The following WASF2 variants were observed in gnomAD, a reference collection of about 807,000 sequenced individuals.
The protein encoded by WASF2 is WASP family member 2.
In WASF2, 14 loss-of-function variants were observed where a neutral mutation model predicts 45.0. The observed-to-expected ratio is 0.31, with a 90% CI of 0.21 to 0.49. The LOEUF (loss-of-function observed/expected upper bound fraction) is 0.49. Among genes scored for constraint, WASF2 ranks in the 20% least tolerant of loss-of-function variants. The pLI is 0.99. For synonymous variants in WASF2, 200 were observed against 236.3 expected, an observed-to-expected ratio of 0.85 and a Z score of 1.41; for missense variants, 439 against 636.1, an observed-to-expected ratio of 0.69 and a Z score of 3.33.
In WASF2 at chr1:27,476,419, A is replaced by C. The variant is rs1436139641; in HGVS notation, c.-44+13567T>G. Among the ~76,000 whole-genome samples the C allele has an allele frequency of 2.6e-5, 4 of 152,160 alleles. No homozygotes were observed. In the East Asian group the frequency reaches 7.7e-4, roughly 29 times the overall value. ...AACTCAGAGCGAGAGCTCACTTATC[A>C]CCAAGGGGATGGCCCAAGCCATTCA... On this transcript the variant is annotated intron_variant, in intron 1 of 8. Transcript: ENST00000618852.
intron 1 of WASF2, among the ~76,000 whole-genome samples, chr1:27,484,627 G>A (rs993490503): frequency 1.3e-5 from 2 of 151,934 alleles, no homozygotes; most frequent in Non-Finnish European, 2.9e-5. Flanking sequence ...CTAACAAGGT[G>A]AAACCCTGTC....
At chr1:27,415,082 A>C in intron 5 of WASF2, 119 bp from the exon 6 acceptor site, 2 of 1,280,946 alleles carry the variant, frequency 1.6e-6, no homozygotes, top group Non-Finnish European at 2.2e-6. Flanking sequence ...ACATACAATA[A>C]CTACAGAACT....
At chr1:27,462,108 G>A (rs1170482748) in intron 1 of WASF2, among the ~76,000 whole-genome samples, 1 of 151,394 alleles carries the variant, frequency 6.6e-6, no homozygotes, top group Non-Finnish European at 1.5e-5. Flanking sequence ...CTCCCAAGTA[G>A]CTGGGACTAA....
At chr1:27,488,035 C>T (rs1205635320) in intron 1 of WASF2, among the ~76,000 whole-genome samples, 1 of 151,922 alleles carries the variant, frequency 6.6e-6, no homozygotes, top group Non-Finnish European at 1.5e-5. Context: ...GATATCTGAA[C>T]AGGAAAAAGT....
At chr1:27,450,781 G>A (rs558708541) in intron 1 of WASF2, among the ~76,000 whole-genome samples, 3 of 151,940 alleles carry the variant, frequency 2.0e-5, no homozygotes, top group South Asian at 2.1e-4. Context: ...TTACAGGTGT[G>A]AGCCATCGCA....
chr1:27,409,905 G>C lies in WASF2; in HGVS notation c.1126C>G (p.Pro376Ala). The C allele has an allele frequency of 6.3e-7, 1 of 1,587,784 alleles. No individual in the cohort carries two copies. The highest frequency in any genetic ancestry group is 2.2e-5 in the East Asian group (1 of 44,610). The change falls in exon 8 of 9, where the codon CCA (proline) becomes GCA (alanine). Residue 376 changes from proline to alanine, a missense_variant. Physicochemically the swap from Pro to Ala is conservative, Grantham distance 27. Around this residue, in one of 5 missense-constraint regions of WASF2, gnomAD observed 286 missense variants for 373.5 expected, o/e 0.77. Transcript: ENST00000618852. ...GACAAGGGAGGTGGTGGCAGAGTTG[G>C]GTAGTCAGCTGCTGGTGGTGGAGGA... ...PPPPPPAADY[P>A]TLPPPPLSQP...
rs934572226 is a variant in WASF2 at position 27,408,024 on chromosome 1, T to G, written c.*165A>C. On this transcript the variant is annotated 3_prime_UTR_variant, in exon 9 of 9. Coordinates refer to ENST00000618852, the MANE Select transcript of WASF2 (RefSeq NM_006990.5). ...ATGGGGAGAGGAAATACATGTTGAC[T>G]TGGAGGAAGCACTTGGATATATCTT... 29 of 763,380 alleles carry G rather than the reference T, an allele frequency of 3.8e-5. No homozygotes were observed. In the Admixed American group the frequency reaches 4.3e-4, roughly 11 times the overall value. 47.3% of individuals were successfully genotyped at this position (763,380 alleles called of 1,614,324 possible). A position where few individuals can be genotyped will look rare whatever the true frequency, so the allele number is the denominator to read the frequency against.
At position 27,407,273 on chromosome 1, in the gene WASF2, CTTGAGCAA is replaced by C. The variant is rs1352482168; in HGVS notation, c.*908_*915del. 1 of 152,682 alleles carries C rather than the reference CTTGAGCAA, an allele frequency of 6.5e-6. No individual in the cohort carries two copies. Among genetic ancestry groups the C allele is most frequent in the Non-Finnish European group, 1.5e-5 (1 of 68,088 alleles). The allele number at this position is 152,682 out of a possible 1,614,324, so 9.5% of individuals were successfully genotyped here. Reference sequence around the variant, plus strand: ...CTATGTCACTATCCAATTGTGTGACCTTGAGCAAGTCACTTCCCATCTCTAGGCCTCAG... The same window carrying C: ...CTATGTCACTATCCAATTGTGTGACCGTCACTTCCCATCTCTAGGCCTCAG... On this transcript the variant is annotated 3_prime_UTR_variant, in exon 9 of 9. Coordinates refer to ENST00000618852, the MANE Select transcript of WASF2 (RefSeq NM_006990.5).
intron 2 of WASF2, among the ~76,000 whole-genome samples, chr1:27,419,793 A>G (rs944095168): frequency 6.6e-6 from 1 of 152,240 alleles, no homozygotes; most frequent in Non-Finnish European, 1.5e-5. Context: ...GTGAACAACT[A>G]TGATCAGTTG....
chr1:27,418,794 G>T (rs2016861465), intron 3 of WASF2, among the ~76,000 whole-genome samples, 160 bp downstream of exon 3: 1 of 152,076 alleles, frequency 6.6e-6, no homozygotes, highest in African/African-American at 2.4e-5. Flanking sequence ...GAGCTAAAAA[G>T]GTTCTTTCCA....
chr1:27,484,404 G>A (rs1048977877), intron 1 of WASF2, among the ~76,000 whole-genome samples: 1 of 152,132 alleles, frequency 6.6e-6, no homozygotes, highest in Non-Finnish European at 1.5e-5. Flanking sequence ...AAAATTAAAT[G>A]TATTTTAGTA....
In WASF2 at chr1:27,487,233, C is replaced by T. The variant is rs747745380; in HGVS notation, c.-44+2753G>A. Among the ~76,000 whole-genome samples, 13 of 145,252 alleles carry T rather than the reference C, an allele frequency of 8.9e-5. No individual in the cohort carries two copies. In the East Asian group the frequency reaches 2.2e-3, roughly 25 times the overall value. ...CTCCTGCCTCAGCTTCCCGAGTAGC[C>T]GGGACTACAGGCACCCGCCACCACG... On this transcript the variant is annotated intron_variant, in intron 1 of 8. Transcript: ENST00000618852.
In WASF2 at chr1:27,405,913, T is replaced by C. The variant is rs1459466455; in HGVS notation, c.*2276A>G. On this transcript the variant is annotated 3_prime_UTR_variant, in exon 9 of 9. Transcript: ENST00000618852. ...GCAGGCAGTGCCCCTCCCCACCTCC[T>C]CCTGCCCCCAGCCCTTTCCACGATG... 6.6e-6 allele frequency: 1 copy of C among 152,244 alleles called. No homozygotes were observed. The highest frequency in any genetic ancestry group is 1.9e-4 in the East Asian group (1 of 5,152). The allele number at this position is 152,244 out of a possible 1,614,324, so 9.4% of individuals were successfully genotyped here.
chr1:27,411,864 A>AAAAT lies in WASF2; in HGVS notation c.824+704_824+707dup, dbSNP rs569192693. Among the ~76,000 whole-genome samples, 229 of 152,342 alleles carry AAAAT rather than the reference A, an allele frequency of 1.5e-3. 1 individual carries two copies. Among genetic ancestry groups the AAAAT allele is most frequent in the African/African-American group, 5.1e-3 (210 of 41,572 alleles). On this transcript the variant is annotated intron_variant, in intron 7 of 8. Coordinates refer to ENST00000618852, the MANE Select transcript of WASF2 (RefSeq NM_006990.5). ...GGTGACAGAGTGAGACTCCGTCTCAAAAATAAATAAATAAGTAAATAAAAT... is the reference window on the plus strand; with the variant it reads ...GGTGACAGAGTGAGACTCCGTCTCAAAAATAAATAAATAAATAAGTAAATAAAAT...
rs77018071 is a variant in WASF2, at chr1:27,443,307, TAAAA to T, written c.-43-14378_-43-14375del. ...GCAACAAGAGCAAGACACCGTCTCT[TAAAA>T]AAAAAAAAAAAAAAAAAAAAGGCCA... On this transcript the variant is annotated intron_variant, in intron 1 of 8. Coordinates refer to ENST00000618852, the MANE Select transcript of WASF2 (RefSeq NM_006990.5). Among the ~76,000 whole-genome samples the T allele has an allele frequency of 6.9e-4, 37 of 53,306 alleles. 1 individual carries two copies. In the South Asian group the frequency reaches 0.011, roughly 16 times the overall value. The allele number at this position is 53,306 out of a possible 152,430, so 35.0% of individuals were successfully genotyped here.
At chr1:27,458,309 A>T (rs1015495226) in intron 1 of WASF2, among the ~76,000 whole-genome samples, 15 of 6,540 alleles carry the variant, frequency 2.3e-3, no homozygotes, top group East Asian at 0.071. Flanking sequence ...CGAGATTCTT[A>T]AAAAAAAAAA....
intron 3 of WASF2, 87 bp downstream of exon 3, chr1:27,418,867 G>GTTTT: frequency 1.8e-6 from 2 of 1,099,166 alleles, no homozygotes; most frequent in Non-Finnish European, 2.5e-6. Context: ...CTCTCCTCAC[G>GTTTT]TTTTTTTTTT....
At chr1:27,432,423 C>T (rs1056603003) in intron 1 of WASF2, among the ~76,000 whole-genome samples, 4 of 151,612 alleles carry the variant, frequency 2.6e-5, no homozygotes, top group East Asian at 3.9e-4. Flanking sequence ...CCGAGGCGGG[C>T]GGATCACGAG....
intron 1 of WASF2, among the ~76,000 whole-genome samples, chr1:27,466,472 A>G (rs1429951402): frequency 6.6e-6 from 1 of 152,234 alleles, no homozygotes; most frequent in East Asian, 1.9e-4. Context: ...ACTGCACAAC[A>G]GGAGCCACTG....
Sources: gnomAD v4.1 joint callset for allele counts (sites outside exome capture counted in the v4.1 genomes callset) on GRCh38, gnomAD v4.1.1 for gene constraint, gnomAD v4.1.1 regional missense constraint, MANE v1.5 for transcripts, NCBI Gene and HGNC (gene_info 2026-07-23, HGNC 2026-07-21) for gene names.